GPC5: variants seen among roughly 807,000 people sequenced by gnomAD.
GPC5 encodes glypican 5, also known as glypican-5.
GPC5 carries 47 observed loss-of-function variants against 53.9 expected under a neutral mutation model. That is an observed-to-expected ratio of 0.87 (90% CI 0.69 to 1.11). GPC5 has a LOEUF of 1.11. Among genes scored for constraint, GPC5 ranks in the 50% most tolerant of loss-of-function variants. The pLI is 0.00. For synonymous variants in GPC5, 286 were observed against 263.3 expected (o/e 1.09, Z -0.84); for missense variants, 748 against 713.1 (o/e 1.05, Z -0.56).
chr13:91,621,761 T>TATATATATATATATATATATATATATA lies in GPC5; in HGVS notation c.326-71426_326-71425insATATATATATATATATATATATATATA, dbSNP rs11462875. 2.3e-3 allele frequency among the ~76,000 whole-genome samples: 107 copies of TATATATATATATATATATATATATATA among 46,810 alleles called. 31 individuals carry two copies. Among genetic ancestry groups the TATATATATATATATATATATATATATA allele is most frequent in the East Asian group, 4.4e-3 (6 of 1,368 alleles). The allele number at this position is 46,810 out of a possible 152,430, so 30.7% of individuals were successfully genotyped here. A position where few individuals can be genotyped will look rare whatever the true frequency, so the allele number is the denominator to read the frequency against. On this transcript the variant is annotated intron_variant, in intron 2 of 7. Coordinates refer to ENST00000377067, the MANE Select transcript of GPC5 (RefSeq NM_004466.6). ...CAGGGTTCTCTAAAGGGACAGAACA[T>TATATATATATATATATATATATATATA]TATATATATATATATATATATATAT...
At chr13:92,216,654 C>T (rs1231330607) in intron 7 of GPC5, among the ~76,000 whole-genome samples, 1 of 152,070 alleles carries the variant, frequency 6.6e-6, no homozygotes, top group African/African-American at 2.4e-5. Flanking sequence ...TGTCATTTTA[C>T]CAATGAGGGG....
In GPC5 at chr13:92,335,694, A is replaced by T. The variant is rs531325128; in HGVS notation, c.1561+190705A>T. 2.6e-5 allele frequency among the ~76,000 whole-genome samples: 4 copies of T among 152,222 alleles called. No individual in the cohort carries two copies. The South Asian group carries it at 8.3e-4, about 32-fold the overall frequency. The stretch of plus-strand genomic sequence containing the variant: ...CCCTAAATCATCTCTCTCAAGTTTA[A>T]AGTTCCAAAGATCTCTAGGGCAGGG... On this transcript the variant is annotated intron_variant, in intron 7 of 7. Transcript: ENST00000377067.
intron 2 of GPC5, among the ~76,000 whole-genome samples, chr13:91,642,195 A>G (rs564670961): frequency 1.3e-5 from 2 of 152,210 alleles, no homozygotes; most frequent in Non-Finnish European, 2.9e-5. Context: ...GACCTCTCTA[A>G]ACTTCAAGGA....
chr13:92,278,112 A>C (rs1013697281), intron 7 of GPC5, among the ~76,000 whole-genome samples: 1 of 151,896 alleles, frequency 6.6e-6, no homozygotes, highest in African/African-American at 2.4e-5. Context: ...TTTAATTTTT[A>C]AACTATAAAA....
At chr13:91,696,718 A>G (rs1485382151) in intron 3 of GPC5, among the ~76,000 whole-genome samples, 3 of 152,186 alleles carry the variant, frequency 2.0e-5, no homozygotes, top group Admixed American at 6.5e-5. Flanking sequence ...TCAACTGGAA[A>G]CAAAGTTTAG....
At chr13:91,560,060 G>GGA (rs2031175361) in intron 2 of GPC5, among the ~76,000 whole-genome samples, 1 of 84,220 alleles carries the variant, frequency 1.2e-5, no homozygotes, top group African/African-American at 7.2e-5. Context: ...TCCAGATATA[G>GGA]GATGTTATCT....
At chr13:91,907,883 C>A in intron 5 of GPC5, 54 bp from the exon 6 acceptor site, 4 of 1,563,836 alleles carry the variant, frequency 2.6e-6, no homozygotes, top group Non-Finnish European at 3.5e-6. Flanking sequence ...ATAGCTGTGA[C>A]AGATAATACC....
At chr13:91,643,493 T>G (rs9523392) in intron 2 of GPC5, among the ~76,000 whole-genome samples, 29,652 of 152,172 alleles carry the variant, frequency 0.19, 2,949 homozygotes, top group Middle Eastern at 0.23. Context: ...AAATATTTTA[T>G]TTATAATAAT....
chr13:91,475,259 A>G (rs915393947), intron 2 of GPC5, among the ~76,000 whole-genome samples: 3 of 152,160 alleles, frequency 2.0e-5, no homozygotes, highest in Non-Finnish European at 2.9e-5. Flanking sequence ...ATTGGAAATA[A>G]AAACCCTTAT....
intron 2 of GPC5, among the ~76,000 whole-genome samples, chr13:91,519,563 C>T (rs1237407549): frequency 6.6e-6 from 1 of 152,190 alleles, no homozygotes; most frequent in African/African-American, 2.4e-5. Flanking sequence ...GATGTGTCTA[C>T]TTCCCCTTTG....
chr13:92,020,039 C>T (rs2040743787), intron 6 of GPC5, among the ~76,000 whole-genome samples: 2 of 152,150 alleles, frequency 1.3e-5, no homozygotes, highest in Admixed American at 1.3e-4. Context: ...CATTTCTTTG[C>T]CTTTTCCATC....
chr13:92,397,385 C>A (rs1164186104), intron 7 of GPC5, among the ~76,000 whole-genome samples: 1 of 152,242 alleles, frequency 6.6e-6, no homozygotes, highest in Non-Finnish European at 1.5e-5. Flanking sequence ...TTGCCCGCCA[C>A]TGTGGAAGAT....
intron 2 of GPC5, among the ~76,000 whole-genome samples, chr13:91,480,826 T>C (rs550946858): frequency 6.6e-6 from 1 of 152,196 alleles, no homozygotes; most frequent in African/African-American, 2.4e-5. Flanking sequence ...TTTTCCTTGT[T>C]GGACAGGACC....
At chr13:91,961,834 A>T (rs2040128840) in intron 6 of GPC5, among the ~76,000 whole-genome samples, 1 of 152,092 alleles carries the variant, frequency 6.6e-6, no homozygotes, top group Non-Finnish European at 1.5e-5. Flanking sequence ...CAATATTAAG[A>T]GAAGGGAGTT....
intron 7 of GPC5, among the ~76,000 whole-genome samples, chr13:92,217,974 G>A (rs1303049057): frequency 7.4e-6 from 1 of 135,390 alleles, no homozygotes; most frequent in East Asian, 2.1e-4. Context: ...CTGGAGTGCA[G>A]TGGTGTGATC....
At chr13:92,740,846 A>C (rs1889062787) in intron 7 of GPC5, among the ~76,000 whole-genome samples, 1 of 150,408 alleles carries the variant, frequency 6.6e-6, no homozygotes, top group South Asian at 2.1e-4. Context: ...TTGGGGGAAA[A>C]GTAGCCCAAA....
chr13:91,623,767 C>T (rs901044560), intron 2 of GPC5, among the ~76,000 whole-genome samples: 3 of 152,046 alleles, frequency 2.0e-5, no homozygotes, highest in African/African-American at 7.2e-5. Flanking sequence ...CCTTCTTTGG[C>T]TCAGTTATAT....
Position 91,471,411 on chromosome 13 carries a change from A to G in GPC5, c.325+22489A>G, listed in dbSNP as rs79382902. On this transcript the variant is annotated intron_variant, in intron 2 of 7. Transcript: ENST00000377067. ...TCCTTACTATGAAACAGATTAATGGACCTTTGGTATAAAGCTTAGGAACAT... is the reference window on the plus strand; with the variant it reads ...TCCTTACTATGAAACAGATTAATGGGCCTTTGGTATAAAGCTTAGGAACAT... 4.2e-3 allele frequency among the ~76,000 whole-genome samples: 635 copies of G among 152,062 alleles called. 5 individuals are homozygous for G. Among genetic ancestry groups the G allele is most frequent in the African/African-American group, 0.013 (535 of 41,460 alleles).
intron 7 of GPC5, among the ~76,000 whole-genome samples, chr13:92,275,984 T>A (rs1478343383): frequency 6.6e-6 from 1 of 152,116 alleles, no homozygotes; most frequent in African/African-American, 2.4e-5. Context: ...GTGATAATAG[T>A]GCAAGGGAGG....
Sources: gnomAD v4.1 joint callset for allele counts (sites outside exome capture counted in the v4.1 genomes callset) on GRCh38, gnomAD v4.1.1 for gene constraint, MANE v1.5 for transcripts, NCBI Gene and HGNC (gene_info 2026-07-23, HGNC 2026-07-21) for gene names.